The following SLC6A17 variants were observed in gnomAD, a reference collection of about 807,000 sequenced individuals.
The protein encoded by SLC6A17 is solute carrier family 6 member 17, also known as sodium-dependent neutral amino acid transporter SLC6A17.
In SLC6A17, 21 loss-of-function variants were observed where a neutral mutation model predicts 64.5. The ratio of observed to expected loss-of-function variants is 0.33; its 90% CI spans 0.23 to 0.47. The LOEUF (loss-of-function observed/expected upper bound fraction) is 0.47. SLC6A17 is among the 20% of genes least tolerant of loss of function. SLC6A17 has a pLI of 1.00. For missense variants in SLC6A17, 682 were observed against 963.2 expected (o/e 0.71, Z 3.86); for synonymous variants, 372 against 399.5 (o/e 0.93, Z 0.82).
In SLC6A17 at chr1:110,171,968, T is replaced by G. The variant is rs1413876540; in HGVS notation, c.287-92T>G. On this transcript the variant is annotated intron_variant, in intron 2 of 11. Transcript: ENST00000331565. ...GACAATTTGCGGATGACCAGAGATG[T>G]GGCTGAGACTGGAAGACATGGCTGC... 6 of 1,501,446 alleles carry G rather than the reference T, an allele frequency of 4.0e-6. No individual in the cohort carries two copies. In the African/African-American group the frequency reaches 6.9e-5, roughly 17 times the overall value. The allele number at this position is 1,501,446 out of a possible 1,614,324, so 93.0% of individuals were successfully genotyped here. A position where few individuals can be genotyped will look rare whatever the true frequency, so the allele number is the denominator to read the frequency against.
intron 4 of SLC6A17, among the ~76,000 whole-genome samples, chr1:110,174,569 G>T (rs557143741): frequency 6.6e-6 from 1 of 152,320 alleles, no homozygotes; most frequent in African/African-American, 2.4e-5. Context: ...AGCCAGGCTG[G>T]TGTGTCCTGA....
rs867605066 is a variant in SLC6A17 at position 110,163,045 on chromosome 1, G to A, written c.-87-3798G>A. ...AAAAAAAAAAAAAAAAAAAAAAATG[G>A]TTTTAAGCGGTCTCAAGCTATTCCA... On this transcript the variant is annotated intron_variant, in intron 1 of 11. Coordinates refer to ENST00000331565, the MANE Select transcript of SLC6A17 (RefSeq NM_001010898.4). 4.0e-5 allele frequency among the ~76,000 whole-genome samples: 6 copies of A among 149,344 alleles called. 1 individual carries two copies. Among genetic ancestry groups the A allele is most frequent in the African/African-American group, 1.5e-4 (6 of 40,324 alleles).
chr1:110,198,694 A>G lies in SLC6A17; in HGVS notation c.*250A>G. The G allele has an allele frequency of 3.9e-6, 2 of 512,416 alleles. No individual in the cohort carries two copies. The highest frequency in any genetic ancestry group is 6.5e-5 in the South Asian group (2 of 30,666). The allele number at this position is 512,416 out of a possible 1,614,324, so 31.7% of individuals were successfully genotyped here. ...TCTAGCCCTCCAAGAGCCTCCGCCA[A>G]ATTGTAGCCATGTAATTGGAACAAC... On this transcript the variant is annotated 3_prime_UTR_variant, in exon 12 of 12. Transcript: ENST00000331565.
chr1:110,185,781 G>A (rs1656669769), intron 6 of SLC6A17, among the ~76,000 whole-genome samples: 1 of 152,206 alleles, frequency 6.6e-6, no homozygotes, highest in Non-Finnish European at 1.5e-5. Flanking sequence ...ATCCTGGAAA[G>A]AGCCCCTTTA....
intron 1 of SLC6A17, among the ~76,000 whole-genome samples, chr1:110,151,236 C>T (rs1284229390): frequency 6.6e-6 from 1 of 152,184 alleles, no homozygotes; most frequent in Non-Finnish European, 1.5e-5. Flanking sequence ...GGGGCCTGTC[C>T]GGCCCATCCG....
intron 1 of SLC6A17, among the ~76,000 whole-genome samples, chr1:110,154,976 C>A (rs920803812): frequency 1.3e-5 from 2 of 152,158 alleles, no homozygotes; most frequent in Admixed American, 6.5e-5. Flanking sequence ...AAAACTCTGC[C>A]ACACGTGTCC....
rs577320165 is a variant in SLC6A17 at position 110,193,139 on chromosome 1, C to T, written c.1299+441C>T. 1.0e-3 allele frequency among the ~76,000 whole-genome samples: 154 copies of T among 152,292 alleles called. 1 individual carries two copies. The highest frequency in any genetic ancestry group is 3.5e-3 in the African/African-American group (147 of 41,548). On this transcript the variant is annotated intron_variant, in intron 8 of 11. Coordinates refer to ENST00000331565, the MANE Select transcript of SLC6A17 (RefSeq NM_001010898.4). ...AGTTGAGTATTCATATTGTTCCCTACCTTACAGATGAGTAGCCTATGAGAT... is the reference window on the plus strand; with the variant it reads ...AGTTGAGTATTCATATTGTTCCCTATCTTACAGATGAGTAGCCTATGAGAT...
At position 110,174,894 on chromosome 1, in the gene SLC6A17, G is replaced by A. The variant is rs1656332753; in HGVS notation, c.687G>A (p.Leu229=). 4.3e-6 allele frequency: 7 copies of A among 1,614,204 alleles called. No individual in the cohort carries two copies. The South Asian group carries it at 6.6e-5, about 15-fold the overall frequency. ...ESGGLNWKMT[L]CLLVAWSIVG... Reference sequence around the variant, plus strand: ...GGGGCCTCAACTGGAAGATGACCCTGTGCCTCCTCGTGGCCTGGAGCATCG... The same window carrying A: ...GGGGCCTCAACTGGAAGATGACCCTATGCCTCCTCGTGGCCTGGAGCATCG... The change falls in exon 5 of 12, where the codon CTG becomes CTA. Residue 229 remains leucine, a synonymous_variant. Coordinates refer to ENST00000331565, the MANE Select transcript of SLC6A17 (RefSeq NM_001010898.4).
At chr1:110,170,049 G>A (rs187030633) in intron 2 of SLC6A17, among the ~76,000 whole-genome samples, 2 of 152,040 alleles carry the variant, frequency 1.3e-5, no homozygotes, top group Admixed American at 6.6e-5. Flanking sequence ...ACTCTTTGGC[G>A]GCAGTTACCT....
chr1:110,170,503 G>T (rs754057139), intron 2 of SLC6A17, among the ~76,000 whole-genome samples: 2 of 151,998 alleles, frequency 1.3e-5, no homozygotes, highest in Non-Finnish European at 2.9e-5. Flanking sequence ...ACAAAAAACC[G>T]GTGAGGCTGT....
intron 6 of SLC6A17, among the ~76,000 whole-genome samples, chr1:110,177,170 T>G (rs1046603072): frequency 3.3e-5 from 5 of 152,202 alleles, no homozygotes; most frequent in African/African-American, 1.2e-4. Flanking sequence ...GCTTTCATTG[T>G]GTGGCAGCAG....
chr1:110,171,706 C>T (rs1295484303), intron 2 of SLC6A17, among the ~76,000 whole-genome samples: 3 of 152,036 alleles, frequency 2.0e-5, no homozygotes, highest in African/African-American at 4.8e-5. Flanking sequence ...CAGCTGTCCA[C>T]GGAGCGCCTC....
chr1:110,188,619 C>A (rs562529947), intron 6 of SLC6A17, among the ~76,000 whole-genome samples: 2 of 152,340 alleles, frequency 1.3e-5, no homozygotes, highest in East Asian at 3.9e-4. Context: ...ATGAGCAGCC[C>A]AAGGGTGGTC....
At chr1:110,156,059 G>T (rs1182811905) in intron 1 of SLC6A17, among the ~76,000 whole-genome samples, 2 of 152,296 alleles carry the variant, frequency 1.3e-5, no homozygotes, top group African/African-American at 4.8e-5. Flanking sequence ...TCTGTACTGC[G>T]CAACCTGGGG....
chr1:110,186,036 C>T (rs1200390011), intron 6 of SLC6A17, among the ~76,000 whole-genome samples: 5 of 152,136 alleles, frequency 3.3e-5, no homozygotes, highest in Admixed American at 1.3e-4. Flanking sequence ...CTGGGTGATA[C>T]GTATGTGGGT....
chr1:110,179,799 C>T (rs773282950), intron 6 of SLC6A17, among the ~76,000 whole-genome samples: 10 of 152,026 alleles, frequency 6.6e-5, no homozygotes, highest in Non-Finnish European at 1.0e-4. Flanking sequence ...ATGATCCGCC[C>T]GCCTTGGCCT....
At position 110,192,748 on chromosome 1, in the gene SLC6A17, G is replaced by T; in HGVS notation, c.1299+50G>T. The T allele has an allele frequency of 1.3e-6, 2 of 1,558,948 alleles. No homozygotes were observed. The highest frequency in any genetic ancestry group is 2.7e-5 in the African/African-American group (2 of 73,404). On this transcript the variant is annotated intron_variant, in intron 8 of 11. Transcript: ENST00000331565. The surrounding 1 kb of genome is among the most constrained non-coding windows in gnomAD (Gnocchi z 4.3). ...AGGACAGGCAGGAACCCAGAGAGCA[G>T]CTGTGGCCGGCGGGAGCTTGGGCTC...
Position 110,201,431 on chromosome 1 carries a change from C to T in SLC6A17, c.*2987C>T, listed in dbSNP as rs1657124780. 6.6e-6 allele frequency: 1 copy of T among 152,240 alleles called. No individual in the cohort carries two copies. The highest frequency in any genetic ancestry group is 1.5e-5 in the Non-Finnish European group (1 of 68,108). The allele number at this position is 152,240 out of a possible 1,614,324, so 9.4% of individuals were successfully genotyped here. A position where few individuals can be genotyped will look rare whatever the true frequency, so the allele number is the denominator to read the frequency against. On this transcript the variant is annotated 3_prime_UTR_variant, in exon 12 of 12. Transcript: ENST00000331565. ...TGCCCACCAGAAGGCAGAGGGAACT[C>T]CAGGGCAGGGATGTGCCTGAAAGAG...
At chr1:110,156,067 G>A (rs1035439603) in intron 1 of SLC6A17, among the ~76,000 whole-genome samples, 1 of 152,182 alleles carries the variant, frequency 6.6e-6, no homozygotes, top group Non-Finnish European at 1.5e-5. Flanking sequence ...GCGCAACCTG[G>A]GGCTGGCTCG....
Sources: gnomAD v4.1 joint callset for allele counts (sites outside exome capture counted in the v4.1 genomes callset) on GRCh38, gnomAD v4.1.1 for gene constraint, Gnocchi (gnomAD v3.1) non-coding constraint, MANE v1.5 for transcripts, NCBI Gene and HGNC (gene_info 2026-07-23, HGNC 2026-07-21) for gene names.